The following URB1 variants were observed in gnomAD, a reference collection of about 807,000 sequenced individuals.
The protein encoded by URB1 is URB1 ribosome biogenesis factor, also known as nucleolar pre-ribosomal-associated protein 1.
A neutral mutation model predicts 242.3 loss-of-function variants in URB1; 197 were observed. The ratio of observed to expected loss-of-function variants is 0.81; its 90% CI spans 0.72 to 0.91. The LOEUF is 0.91. Among genes scored for constraint, URB1 ranks in the 40% least tolerant of loss-of-function variants. The pLI, the probability that URB1 is intolerant of heterozygous loss-of-function variation, is 0.00. For missense variants in URB1, 2,721 were observed against 2,860.5 expected (o/e 0.95, Z 1.11); for synonymous variants, 1,153 against 1,201.8 (o/e 0.96, Z 0.84).
intron 24 of URB1, among the ~76,000 whole-genome samples, chr21:32,343,037 C>CA (rs1461841993): frequency 6.6e-6 from 1 of 152,022 alleles, no homozygotes; most frequent in East Asian, 1.9e-4. Flanking sequence ...TAAAAACAAA[C>CA]AAAAGACCAG....
intron 8 of URB1, among the ~76,000 whole-genome samples, chr21:32,370,781 C>T (rs1330713383): frequency 1.2e-4 from 19 of 152,234 alleles, no homozygotes; most frequent in Admixed American, 1.2e-3. Flanking sequence ...GGATGCTTTG[C>T]TGGCACAACT....
Position 32,322,578 on chromosome 21 carries a change from T to C in URB1, c.5240A>G (p.His1747Arg). The change falls in exon 33 of 39, where the codon CAC (histidine) becomes CGC (arginine). Residue 1747 changes from histidine to arginine, a missense_variant. Physicochemically the swap from His to Arg is conservative, Grantham distance 29. Coordinates refer to ENST00000382751, the MANE Select transcript of URB1 (RefSeq NM_014825.3). ...AALQILKPEE[H>R]MYLKVSNFLL... ...GAAGTTGCTGACCTTCAGGTACATG[T>C]GCTCCTCTGAGAACACAGGCAGTCA... The C allele has an allele frequency of 6.4e-7, 1 of 1,551,666 alleles. No individual in the cohort carries two copies. The highest frequency in any genetic ancestry group is 8.7e-7 in the Non-Finnish European group (1 of 1,146,902).
At chr21:32,374,241 C>T (rs913433993) in intron 6 of URB1, among the ~76,000 whole-genome samples, 4 of 152,168 alleles carry the variant, frequency 2.6e-5, no homozygotes, top group Non-Finnish European at 5.9e-5. Context: ...CTGTGATTAG[C>T]ATCCTTGAAC....
intron 15 of URB1, among the ~76,000 whole-genome samples, chr21:32,355,864 G>A (rs2123591701): frequency 6.6e-6 from 1 of 152,228 alleles, no homozygotes; most frequent in East Asian, 1.9e-4. Context: ...GCCTACCTTG[G>A]CCTCCCAAAG....
rs1279935163 is a variant in URB1, at chr21:32,311,842, C to T, written c.*3076G>A. The T allele has an allele frequency of 8.1e-6, 13 of 1,614,024 alleles. No individual in the cohort carries two copies. Among genetic ancestry groups the T allele is most frequent in the African/African-American group, 4.0e-5 (3 of 74,928 alleles). ...GGGAGCAGAACTGGCCCTGACCAGC[C>T]GCTACGACAGGAGAGCTCCTCCACC... On this transcript the variant is annotated 3_prime_UTR_variant, in exon 39 of 39. Transcript: ENST00000382751.
rs1030928608 is a variant in URB1 at position 32,378,476 on chromosome 21, G to A, written c.633C>T (p.Asp211=). Residue 211 remains aspartate (D), a synonymous_variant, in exon 5 of 39, where the codon GAC becomes GAT. Coordinates refer to ENST00000382751, the MANE Select transcript of URB1 (RefSeq NM_014825.3). ...CTTCCAACACCTGCACTATAGTGCTGTCATCACCCGCAATTAAAAAGGAGA... is the reference window on the plus strand; with the variant it reads ...CTTCCAACACCTGCACTATAGTGCTATCATCACCCGCAATTAAAAAGGAGA... ...FALSFLIAGD[D]STIVQVLEVK... 6.4e-7 allele frequency: 1 copy of A among 1,551,700 alleles called. No homozygotes were observed. Among genetic ancestry groups the A allele is most frequent in the African/African-American group, 1.4e-5 (1 of 73,154 alleles).
Position 32,337,518 on chromosome 21 carries a change from C to A in URB1, c.4511-4G>T. On this transcript the variant is annotated splice_polypyrimidine_tract_variant and splice_region_variant and intron_variant, in intron 26 of 38. Transcript: ENST00000382751. ...AGCATCAGGTCCACCAGCGCTTCTG[C>A]AAGAAAACAACCCTGAAACACATGG... The A allele has an allele frequency of 1.3e-6, 2 of 1,551,346 alleles. No homozygotes were observed. The highest frequency in any genetic ancestry group is 8.7e-7 in the Non-Finnish European group (1 of 1,146,738).
intron 8 of URB1, among the ~76,000 whole-genome samples, chr21:32,371,356 C>T (rs2033404071): frequency 6.6e-6 from 1 of 151,984 alleles, no homozygotes; most frequent in South Asian, 2.1e-4. Flanking sequence ...TCATTAAATG[C>T]TCATCTATTT....
chr21:32,355,056 C>A, intron 16 of URB1, 59 bp from the exon 17 acceptor site: 2 of 1,487,520 alleles, frequency 1.3e-6, no homozygotes, highest in Non-Finnish European at 1.8e-6. Context: ...AATGAAGAAG[C>A]CAAAAAATGT....
At chr21:32,357,784 T>C (rs1601143579) in intron 14 of URB1, 128 bp from the exon 15 acceptor site, 1 of 729,078 alleles carries the variant, frequency 1.4e-6, no homozygotes, top group East Asian at 5.8e-5. Flanking sequence ...TCTCAGCACT[T>C]TGGGAGGCCA....
intron 32 of URB1, among the ~76,000 whole-genome samples, chr21:32,323,888 G>C (rs1416499588): frequency 6.6e-6 from 1 of 152,168 alleles, no homozygotes; most frequent in Admixed American, 6.5e-5. Context: ...ACCTGAGCCT[G>C]GGAGGTCGAG....
rs1326642893 is a variant in URB1 at position 32,392,882 on chromosome 21, C to A, written c.29G>T (p.Gly10Val). The A allele has an allele frequency of 1.3e-6, 2 of 1,530,002 alleles. No homozygotes were observed. Among genetic ancestry groups the A allele is most frequent in the Non-Finnish European group, 1.7e-6 (2 of 1,143,912 alleles). The allele number at this position is 1,530,002 out of a possible 1,614,324, so 94.8% of individuals were successfully genotyped here. A position where few individuals can be genotyped will look rare whatever the true frequency, so the allele number is the denominator to read the frequency against. The change falls in exon 1 of 39, where the codon GGC (glycine) becomes GTC (valine). Residue 10 changes from glycine (G) to valine (V), a missense_variant. By Grantham distance (109) the Gly-to-Val change is moderately radical (BLOSUM62 -3). Coordinates refer to ENST00000382751, the MANE Select transcript of URB1 (RefSeq NM_014825.3). MGVPKRKAS[G>V]GQDGAASSAG... ...GGAGGAAGCCGCGCCGTCCTGGCCG[C>A]CCGAGGCCTTCCTCTTGGGGACCCC...
In URB1 at chr21:32,311,518, A is replaced by T. The variant is rs1043892144; in HGVS notation, c.*3400T>A. 1.2e-5 allele frequency: 11 copies of T among 944,564 alleles called. No homozygotes were observed. The African/African-American group carries it at 1.8e-4, about 16-fold the overall frequency. The allele number at this position is 944,564 out of a possible 1,614,324, so 58.5% of individuals were successfully genotyped here. On this transcript the variant is annotated 3_prime_UTR_variant, in exon 39 of 39. Transcript: ENST00000382751. ...TCCTCTCCTCTGAGATTTCTCTAGA[A>T]TGGCCACCTTTGTGAGCTGGCTGAC... is the stretch of plus-strand genomic sequence containing the variant.
intron 25 of URB1, among the ~76,000 whole-genome samples, chr21:32,340,326 C>T (rs189342189): frequency 6.6e-6 from 1 of 152,238 alleles, no homozygotes; most frequent in East Asian, 1.9e-4. Context: ...AGTGCAAATT[C>T]GCTGGCCGGG....
At chr21:32,355,824 T>A (rs2033214066) in intron 15 of URB1, among the ~76,000 whole-genome samples, 1 of 152,224 alleles carries the variant, frequency 6.6e-6, no homozygotes, top group African/African-American at 2.4e-5. Context: ...TTGGCCAGGC[T>A]GGTATCAAAC....
intron 34 of URB1, among the ~76,000 whole-genome samples, chr21:32,320,997 C>T (rs1019267109): frequency 6.6e-6 from 1 of 152,312 alleles, no homozygotes; most frequent in African/African-American, 2.4e-5. Flanking sequence ...AGCTGCTGGC[C>T]GCCAGCCACG....
At chr21:32,392,247 T>C (rs1247585030) in intron 1 of URB1, among the ~76,000 whole-genome samples, 6 of 152,220 alleles carry the variant, frequency 3.9e-5, no homozygotes, top group Non-Finnish European at 7.3e-5. Flanking sequence ...AATTAAATTA[T>C]AGAGTCGGCT....
At chr21:32,370,435 C>T (rs2033394158) in intron 8 of URB1, among the ~76,000 whole-genome samples, 1 of 152,126 alleles carries the variant, frequency 6.6e-6, no homozygotes, top group Admixed American at 6.5e-5. Flanking sequence ...ATTAAATCTA[C>T]AAAGAGTGCT....
rs1026013726 is a variant in URB1, at chr21:32,331,906, C to T, written c.4960+1411G>A. Among the ~76,000 whole-genome samples the T allele has an allele frequency of 5.9e-5, 9 of 152,216 alleles. No individual in the cohort carries two copies. In the East Asian group the frequency reaches 1.7e-3, roughly 29 times the overall value. ...GGCAGTGACAGTACACTCCTCCTGC[C>T]CCCACTGGGGTGTCAGAGGAAGCCT... On this transcript the variant is annotated intron_variant, in intron 30 of 38. Transcript: ENST00000382751.
Sources: gnomAD v4.1 joint callset for allele counts (sites outside exome capture counted in the v4.1 genomes callset) on GRCh38, gnomAD v4.1.1 for gene constraint, MANE v1.5 for transcripts, NCBI Gene and HGNC (gene_info 2026-07-23, HGNC 2026-07-21) for gene names.